The following VTI1A variants were observed in gnomAD, a reference collection of about 807,000 sequenced individuals.
VTI1A encodes vesicle transport through interaction with t-SNAREs 1A, also known as vesicle transport through interaction with t-SNAREs homolog 1A.
In VTI1A, 22 loss-of-function variants were observed where a neutral mutation model predicts 34.9. The observed-to-expected ratio is 0.63, with a 90% confidence interval of 0.45 to 0.90. The LOEUF is 0.90. Among genes scored for constraint, VTI1A ranks in the 40% least tolerant of loss-of-function variants. The pLI is 0.00. For missense variants in VTI1A, 268 were observed against 275.6 expected, an observed-to-expected ratio of 0.97 and a Z score of 0.20; for synonymous variants, 87 against 97.3, an observed-to-expected ratio of 0.89 and a Z score of 0.62.
chr10:112,538,102 G>A, intron 4 of VTI1A, 144 bp from the exon 5 acceptor site: 1 of 648,540 alleles, frequency 1.5e-6, no homozygotes, highest in Non-Finnish European at 2.7e-6. Context: ...TCCTATAATG[G>A]AAAATTTGCT....
chr10:112,541,209 C>T (rs1824078196), intron 5 of VTI1A, among the ~76,000 whole-genome samples: 1 of 151,866 alleles, frequency 6.6e-6, no homozygotes, highest in Admixed American at 6.6e-5. Context: ...TTTTACTTGA[C>T]CACAAAATTA....
At chr10:112,520,643 GTGTGTA>G (rs1197909111) in intron 3 of VTI1A, among the ~76,000 whole-genome samples, 37 of 110,094 alleles carry the variant, frequency 3.4e-4, no homozygotes, top group African/African-American at 9.2e-4. Context: ...GTGTGTGTGT[GTGTGTA>G]TATATATATA....
intron 7 of VTI1A, among the ~76,000 whole-genome samples, chr10:112,743,570 C>T (rs888492026): frequency 1.8e-4 from 27 of 152,166 alleles, no homozygotes; most frequent in Admixed American, 1.5e-3. Flanking sequence ...AGCTGGCCAG[C>T]GCCCTTTAGA....
intron 4 of VTI1A, among the ~76,000 whole-genome samples, chr10:112,531,977 G>A (rs867716364): frequency 3.9e-5 from 6 of 152,226 alleles, no homozygotes; most frequent in South Asian, 4.1e-4. Context: ...GTTGCTGAGT[G>A]TGTTAATTAA....
chr10:112,468,621 T>C (rs1364515803), intron 3 of VTI1A, among the ~76,000 whole-genome samples: 2 of 152,078 alleles, frequency 1.3e-5, no homozygotes, highest in East Asian at 3.9e-4. Flanking sequence ...CCCCAGCCGT[T>C]CCTTCTCCTC....
intron 7 of VTI1A, among the ~76,000 whole-genome samples, chr10:112,742,668 T>C (rs1333006462): frequency 2.0e-5 from 3 of 152,224 alleles, no homozygotes; most frequent in Non-Finnish European, 4.4e-5. Flanking sequence ...CTTTGGTTGG[T>C]ATTTCTTTAA....
Position 112,447,251 on chromosome 10 carries a change from C to G in VTI1A, c.-123C>G. 1 of 1,028,950 alleles carries G rather than the reference C, an allele frequency of 9.7e-7. No individual in the cohort carries two copies. The highest frequency in any genetic ancestry group is 1.5e-5 in the South Asian group (1 of 67,568). 63.7% of individuals were successfully genotyped at this position (1,028,950 alleles called of 1,614,324 possible). ...AAGCGGCTGGGTTGAGAGCTGTCCCCGGTTCTCCGTTCTGCTCTCGGGGGC... is the reference window on the plus strand; with the variant it reads ...AAGCGGCTGGGTTGAGAGCTGTCCCGGGTTCTCCGTTCTGCTCTCGGGGGC... On this transcript the variant is annotated 5_prime_UTR_variant, in exon 1 of 8. Coordinates refer to ENST00000393077, the MANE Select transcript of VTI1A (RefSeq NM_145206.4).
chr10:112,821,423 G>A (rs750935285), downstream of VTI1A, among the ~76,000 whole-genome samples: 4 of 152,230 alleles, frequency 2.6e-5, no homozygotes, highest in South Asian at 2.1e-4. Context: ...CTTCGTTACC[G>A]CAACTTTGCT....
At chr10:112,710,377 T>C (rs529909556) in intron 7 of VTI1A, among the ~76,000 whole-genome samples, 2 of 152,050 alleles carry the variant, frequency 1.3e-5, no homozygotes, top group African/African-American at 4.8e-5. Flanking sequence ...TGCCTAACTT[T>C]TGTATTTTTA....
At chr10:112,732,074 C>G (rs566714272) in intron 7 of VTI1A, among the ~76,000 whole-genome samples, 1 of 151,960 alleles carries the variant, frequency 6.6e-6, no homozygotes, top group South Asian at 2.1e-4. Flanking sequence ...CCCTAGGAGA[C>G]TGTACAGCAA....
intron 5 of VTI1A, among the ~76,000 whole-genome samples, chr10:112,562,938 G>T (rs751401499): frequency 6.6e-6 from 1 of 152,034 alleles, no homozygotes; most frequent in African/African-American, 2.4e-5. Context: ...CAGCTCTTCA[G>T]CCCCCATATC....
At chr10:112,549,107 A>G (rs1424194470) in intron 5 of VTI1A, among the ~76,000 whole-genome samples, 1 of 152,114 alleles carries the variant, frequency 6.6e-6, no homozygotes. Context: ...CCTCCCATTT[A>G]CTGATGAGTC....
intron 7 of VTI1A, among the ~76,000 whole-genome samples, chr10:112,693,209 G>T (rs1018169857): frequency 7.9e-5 from 12 of 152,076 alleles, no homozygotes; most frequent in Non-Finnish European, 1.2e-4. Context: ...TAATGTTAAG[G>T]GGAAAGAAGT....
chr10:112,790,978 G>C (rs1457422839), intron 7 of VTI1A, among the ~76,000 whole-genome samples: 1 of 152,090 alleles, frequency 6.6e-6, no homozygotes, highest in Admixed American at 6.6e-5. Context: ...CCTCCTCAAA[G>C]GGCATTTGGT....
At chr10:112,772,479 C>G (rs921866811) in intron 7 of VTI1A, among the ~76,000 whole-genome samples, 2 of 152,198 alleles carry the variant, frequency 1.3e-5, no homozygotes, top group Non-Finnish European at 2.9e-5. Context: ...AACATGTTCT[C>G]CTATTCTACA....
chr10:112,671,686 C>A (rs532569385), intron 7 of VTI1A: 1 of 152,282 alleles, frequency 6.6e-6, no homozygotes, highest in East Asian at 1.9e-4. Flanking sequence ...ATACCAAGAT[C>A]TGTGCGTATG....
chr10:112,778,287 C>A (rs560998164), intron 7 of VTI1A, among the ~76,000 whole-genome samples: 6 of 152,118 alleles, frequency 3.9e-5, no homozygotes, highest in African/African-American at 1.4e-4. Context: ...AACTGAAGAA[C>A]CTTAGAATGG....
chr10:112,583,534 T>TA (rs1446918971), intron 5 of VTI1A, among the ~76,000 whole-genome samples: 2 of 152,016 alleles, frequency 1.3e-5, no homozygotes, highest in African/African-American at 2.4e-5. Flanking sequence ...TTATGTAAAA[T>TA]AAAAAAATAC....
the VTI1A span, among the ~76,000 whole-genome samples, chr10:112,845,447 A>C: frequency 2.0e-5 from 3 of 152,156 alleles, no homozygotes; most frequent in Non-Finnish European, 2.9e-5. Context: ...TTCCCCCACC[A>C]AGGAAGAGGG....
Sources: allele counts gnomAD v4.1 joint callset (sites outside exome capture counted in the v4.1 genomes callset), GRCh38; gene constraint gnomAD v4.1.1; transcripts MANE v1.5; gene names NCBI Gene and HGNC (gene_info 2026-07-23, HGNC 2026-07-21).